Variants in RBFOX1 observed in about 807,000 individuals in gnomAD.
RBFOX1 encodes the protein RNA binding fox-1 homolog 1.
A neutral mutation model predicts 57.7 loss-of-function variants in RBFOX1; 8 were observed. The observed-to-expected ratio is 0.14, with a 90% CI of 0.08 to 0.25. The LOEUF (loss-of-function observed/expected upper bound fraction) is 0.25. Among genes scored for constraint, RBFOX1 ranks in the 10% least tolerant of loss-of-function variants. RBFOX1 has a pLI of 1.00. For synonymous variants in RBFOX1, 326 were observed against 222.4 expected (o/e 1.47, Z -4.15); for missense variants, 611 against 548.5 (o/e 1.11, Z -1.14).
intron 3 of RBFOX1, among the ~76,000 whole-genome samples, chr16:7,035,750 T>A (rs554815722): frequency 6.6e-6 from 1 of 152,304 alleles, no homozygotes; most frequent in African/African-American, 2.4e-5. Context: ...CTGCTCATTG[T>A]TGCAGAACTT....
At position 6,959,947 on chromosome 16, in the gene RBFOX1, A is replaced by T. The variant is rs376712336; in HGVS notation, c.-15-92110A>T. Among the ~76,000 whole-genome samples the T allele has an allele frequency of 5.3e-5, 8 of 152,296 alleles. No homozygotes were observed. In the East Asian group the frequency reaches 1.2e-3, roughly 22 times the overall value. ...GCGAAACTCCATCTCATAAATAAAT[A>T]AATTAATAAATGCCAAGAAAGCCAG... On this transcript the variant is annotated intron_variant, in intron 3 of 15. Transcript: ENST00000550418.
At chr16:6,007,560 C>A (rs933451634) in intron 4 of RBFOX1, among the ~76,000 whole-genome samples, 2 of 152,208 alleles carry the variant, frequency 1.3e-5, no homozygotes. Flanking sequence ...CCCATAGGCA[C>A]TGTGAGTTAA....
chr16:6,272,670 T>A (rs1248376266), intron 1 of RBFOX1, among the ~76,000 whole-genome samples: 1 of 152,204 alleles, frequency 6.6e-6, no homozygotes, highest in Admixed American at 6.5e-5. Context: ...GAAATGAGTC[T>A]GTTCAAAAAC....
At chr16:7,077,092 T>C (rs375615574) in intron 4 of RBFOX1, among the ~76,000 whole-genome samples, 1 of 152,214 alleles carries the variant, frequency 6.6e-6, no homozygotes, top group African/African-American at 2.4e-5. Flanking sequence ...CTTCTCCTGA[T>C]GCACTTATAA....
chr16:7,139,639 C>G (rs1045625151), intron 4 of RBFOX1, among the ~76,000 whole-genome samples: 2 of 151,938 alleles, frequency 1.3e-5, no homozygotes, highest in South Asian at 2.1e-4. Flanking sequence ...AGTCCACCCT[C>G]GACAGTTTCA....
chr16:5,365,487 G>C (rs185258900), intron 1 of RBFOX1, among the ~76,000 whole-genome samples: 1 of 152,120 alleles, frequency 6.6e-6, no homozygotes. Flanking sequence ...GGCCAACCTG[G>C]TGAAACCCTC....
At chr16:7,502,323 T>A (rs139340420) in intron 4 of RBFOX1, among the ~76,000 whole-genome samples, 1 of 152,234 alleles carries the variant, frequency 6.6e-6, no homozygotes, top group African/African-American at 2.4e-5. Flanking sequence ...CACCTGCCCT[T>A]AAGGAGCTTA....
chr16:6,399,999 C>T (rs1315842209), intron 2 of RBFOX1, among the ~76,000 whole-genome samples: 3 of 152,122 alleles, frequency 2.0e-5, no homozygotes, highest in Non-Finnish European at 4.4e-5. Flanking sequence ...CCTGTCAGGT[C>T]CCTCCCACAA....
intron 2 of RBFOX1, among the ~76,000 whole-genome samples, chr16:5,546,762 C>A (rs1484667417): frequency 6.6e-6 from 1 of 152,066 alleles, no homozygotes; most frequent in Non-Finnish European, 1.5e-5. Context: ...TTAAAATTGG[C>A]AAATTGAACT....
intron 2 of RBFOX1, among the ~76,000 whole-genome samples, chr16:6,586,648 G>A (rs1297617190): frequency 1.3e-5 from 2 of 152,132 alleles, no homozygotes; most frequent in Non-Finnish European, 2.9e-5. Context: ...TGTATTTTCA[G>A]GCTGTTCCCT....
intron 3 of RBFOX1, among the ~76,000 whole-genome samples, chr16:5,748,616 C>T (rs1328135623): frequency 5.9e-5 from 9 of 152,200 alleles, no homozygotes; most frequent in African/African-American, 1.9e-4. Flanking sequence ...ATCCCTTTAC[C>T]ATTATATAAT....
At chr16:7,263,549 G>A (rs1339710054) in intron 4 of RBFOX1, among the ~76,000 whole-genome samples, 1 of 152,048 alleles carries the variant, frequency 6.6e-6, no homozygotes, top group Non-Finnish European at 1.5e-5. Flanking sequence ...GTTCAGGCAG[G>A]GCTGAGGACC....
At chr16:6,263,813 G>C (rs1296578441) in intron 1 of RBFOX1, among the ~76,000 whole-genome samples, 1 of 152,130 alleles carries the variant, frequency 6.6e-6, no homozygotes, top group East Asian at 1.9e-4. Context: ...CTCCATCTGT[G>C]AACTAGATGC....
intron 10 of RBFOX1, among the ~76,000 whole-genome samples, chr16:7,619,185 C>G (rs1339533708): frequency 1.3e-5 from 2 of 151,998 alleles, no homozygotes; most frequent in African/African-American, 4.8e-5. Flanking sequence ...TTTTAAAACA[C>G]AAACACCCCA....
chr16:7,170,373 G>A (rs2080443998), intron 4 of RBFOX1, among the ~76,000 whole-genome samples: 2 of 152,136 alleles, frequency 1.3e-5, no homozygotes, highest in African/African-American at 2.4e-5. Context: ...CTGGGTGCAA[G>A]TGATACTCTC....
chr16:5,507,801 C>A (rs749930923), intron 2 of RBFOX1, among the ~76,000 whole-genome samples: 1 of 152,088 alleles, frequency 6.6e-6, no homozygotes, highest in Non-Finnish European at 1.5e-5. Context: ...GCCAATGAAC[C>A]CCAAGGATCG....
chr16:7,301,747 A>G (rs1239286732), intron 4 of RBFOX1, among the ~76,000 whole-genome samples: 1 of 152,108 alleles, frequency 6.6e-6, no homozygotes, highest in African/African-American at 2.4e-5. Context: ...CAGCAAGAGA[A>G]AAAAAAATAA....
chr16:5,441,048 G>A (rs1159733896), intron 1 of RBFOX1, among the ~76,000 whole-genome samples: 1 of 152,180 alleles, frequency 6.6e-6, no homozygotes, highest in African/African-American at 2.4e-5. Context: ...ATGAAGGTCT[G>A]TCTCCAGGGT....
At chr16:6,228,907 A>G (rs1381405337) in intron 1 of RBFOX1, among the ~76,000 whole-genome samples, 2 of 152,210 alleles carry the variant, frequency 1.3e-5, no homozygotes, top group African/African-American at 4.8e-5. Flanking sequence ...CCTGATAAAC[A>G]TATATAATTT....
Sources: gnomAD v4.1 joint callset for allele counts (sites outside exome capture counted in the v4.1 genomes callset) on GRCh38, gnomAD v4.1.1 for gene constraint, MANE v1.5 for transcripts, NCBI Gene and HGNC (gene_info 2026-07-23, HGNC 2026-07-21) for gene names.